The following HSPA4L variants were observed in gnomAD, a reference collection of about 807,000 sequenced individuals.
The protein encoded by HSPA4L is heat shock protein family A (Hsp70) member 4 like, also known as heat shock 70 kDa protein 4L.
HSPA4L carries 48 observed loss-of-function variants against 100.3 expected under a neutral mutation model. That is an observed-to-expected ratio of 0.48 (90% CI 0.38 to 0.61). HSPA4L has a LOEUF of 0.61. HSPA4L is among the 20% of genes least tolerant of loss of function. The pLI, the probability that HSPA4L is intolerant of heterozygous loss-of-function variation, is 0.00. For synonymous variants in HSPA4L, 319 were observed against 328.2 expected, an observed-to-expected ratio of 0.97 and a Z score of 0.30; for missense variants, 886 against 988.6, an observed-to-expected ratio of 0.90 and a Z score of 1.39.
intron 10 of HSPA4L, among the ~76,000 whole-genome samples, chr4:127,806,800 C>T (rs1246644767): frequency 6.6e-6 from 1 of 151,632 alleles, no homozygotes. Flanking sequence ...AAATTTTGTT[C>T]TGTGTTCTGT....
At chr4:127,802,028 C>T (rs749476950) in intron 6 of HSPA4L, 110 bp downstream of exon 6, 1 of 735,094 alleles carries the variant, frequency 1.4e-6, no homozygotes, top group Non-Finnish European at 2.1e-6. Flanking sequence ...TGACCTCAAG[C>T]AAGTTACTTA....
At chr4:127,787,783 C>A (rs569096055) in intron 1 of HSPA4L, among the ~76,000 whole-genome samples, 1 of 151,280 alleles carries the variant, frequency 6.6e-6, no homozygotes, top group South Asian at 2.1e-4. Flanking sequence ...ATCAAATTTG[C>A]TGAGATGAGT....
intron 4 of HSPA4L, among the ~76,000 whole-genome samples, chr4:127,800,519 A>G (rs1404177865): frequency 6.6e-6 from 1 of 152,138 alleles, no homozygotes; most frequent in Non-Finnish European, 1.5e-5. Flanking sequence ...GTATGTATGT[A>G]TGTATATTTT....
intron 12 of HSPA4L, chr4:127,813,618 C>T (rs964539082): frequency 1.1e-5 from 2 of 175,720 alleles, no homozygotes; most frequent in African/African-American, 2.4e-5. Flanking sequence ...CCTTCTAAGA[C>T]CAGGTGTTTA....
At chr4:127,823,844 G>T (rs1003457639) in intron 16 of HSPA4L, among the ~76,000 whole-genome samples, 1 of 151,908 alleles carries the variant, frequency 6.6e-6, no homozygotes, top group Non-Finnish European at 1.5e-5. Flanking sequence ...TTCTTTCTTT[G>T]GGGGGGAGAA....
chr4:127,801,280 G>T, intron 5 of HSPA4L, 43 bp downstream of exon 5: 1 of 1,327,198 alleles, frequency 7.5e-7, no homozygotes, highest in Non-Finnish European at 1.1e-6. Context: ...GCAAAATACT[G>T]TTCTAGTTTT....
intron 14 of HSPA4L, among the ~76,000 whole-genome samples, chr4:127,821,344 T>TA (rs1334490408): frequency 6.6e-6 from 1 of 152,162 alleles, no homozygotes; most frequent in African/African-American, 2.4e-5. Flanking sequence ...ATTTTGTATA[T>TA]AAAATGAGAT....
Position 127,795,893 on chromosome 4 carries a change from A to C in HSPA4L, c.291A>C (p.Gly97=). ...LPYELQKMPN[G]SAGVKVRYLE... ...ATGAACTGCAGAAAATGCCTAATGG[A>C]AGTGCAGGAGTTAAGGTAAGCTTTA... is the stretch of plus-strand genomic sequence containing the variant. Residue 97 remains glycine, a synonymous_variant, in exon 3 of 19, where the codon GGA becomes GGC. Transcript: ENST00000296464. 6.2e-7 allele frequency: 1 copy of C among 1,613,614 alleles called. No individual in the cohort carries two copies. The highest frequency in any genetic ancestry group is 8.5e-7 in the Non-Finnish European group (1 of 1,179,622).
At position 127,801,837 on chromosome 4, in the gene HSPA4L, A is replaced by G. The variant is rs767460041; in HGVS notation, c.582A>G (p.Lys194=). ...YKQDLPPLDE[K]PRNVVFIDMG... ...AGGATCTTCCCCCATTAGATGAGAA[A>G]CCAAGAAATGTAGTATTTATTGATA... Residue 194 remains lysine (K), a synonymous_variant, in exon 6 of 19, where the codon AAA becomes AAG. Transcript: ENST00000296464. 6 of 1,611,442 alleles carry G rather than the reference A, an allele frequency of 3.7e-6. No homozygotes were observed. The highest frequency in any genetic ancestry group is 3.4e-6 in the Non-Finnish European group (4 of 1,178,368).
Position 127,800,410 on chromosome 4 carries a change from G to A in HSPA4L, c.430-728G>A, listed in dbSNP as rs549157037. 1.1e-3 allele frequency among the ~76,000 whole-genome samples: 173 copies of A among 152,260 alleles called. 3 individuals carry two copies. The Middle Eastern group carries it at 0.017, about 15-fold the overall frequency. The stretch of plus-strand genomic sequence containing the variant: ...TTGAGCCCAGGAGTTTAAAGCTGCA[G>A]TGAGCTATGATTGTACCACTGCACT... On this transcript the variant is annotated intron_variant, in intron 4 of 18. Transcript: ENST00000296464.
At chr4:127,804,998 A>T (rs1254162766) in intron 8 of HSPA4L, 75 bp from the exon 9 acceptor site, 5 of 930,956 alleles carry the variant, frequency 5.4e-6, no homozygotes, top group African/African-American at 3.4e-5. Flanking sequence ...TCCACTTTTT[A>T]AAAAAGTACT....
chr4:127,818,186 C>T (rs975631114), intron 12 of HSPA4L, 139 bp from the exon 13 acceptor site: 2 of 504,874 alleles, frequency 4.0e-6, no homozygotes, highest in Non-Finnish European at 7.1e-6. Context: ...TAGCAATTCT[C>T]ATTTGAAAAA....
chr4:127,815,041 GTTC>G (rs771678222), intron 12 of HSPA4L, among the ~76,000 whole-genome samples: 100 of 152,062 alleles, frequency 6.6e-4, no homozygotes, highest in Middle Eastern at 3.4e-3. Context: ...AAGATAATAA[GTTC>G]TTCTTTTTAC....
intron 2 of HSPA4L, among the ~76,000 whole-genome samples, chr4:127,795,409 G>C (rs558648621): frequency 6.6e-6 from 1 of 152,094 alleles, no homozygotes; most frequent in African/African-American, 2.4e-5. Flanking sequence ...TTTTGGATTT[G>C]GGATGTTCAG....
intron 11 of HSPA4L, among the ~76,000 whole-genome samples, chr4:127,810,932 CAT>C (rs1414693255): frequency 6.6e-6 from 1 of 152,072 alleles, no homozygotes; most frequent in Non-Finnish European, 1.5e-5. Flanking sequence ...AGAAATAAAA[CAT>C]CAGTAGATTT....
intron 12 of HSPA4L, among the ~76,000 whole-genome samples, chr4:127,816,744 G>A (rs1199165724): frequency 6.6e-6 from 1 of 152,172 alleles, no homozygotes; most frequent in Non-Finnish European, 1.5e-5. Context: ...ATATTGTATA[G>A]AAATATACAT....
In HSPA4L at chr4:127,812,632, C is replaced by T. The variant is rs532678975; in HGVS notation, c.1578+996C>T. ...TGTCTAATTACAATTGGAAGTCTGC[C>T]CTAGATTTTTTGTTTGTTTGTTTTT... On this transcript the variant is annotated intron_variant, in intron 12 of 18. Coordinates refer to ENST00000296464, the MANE Select transcript of HSPA4L (RefSeq NM_014278.4). 4.4e-5 allele frequency: 29 copies of T among 653,314 alleles called. No individual in the cohort carries two copies. The African/African-American group carries it at 4.8e-4, about 11-fold the overall frequency. The allele number at this position is 653,314 out of a possible 1,614,324, so 40.5% of individuals were successfully genotyped here.
chr4:127,804,958 C>T, intron 8 of HSPA4L, 115 bp from the exon 9 acceptor site: 1 of 598,312 alleles, frequency 1.7e-6, no homozygotes. Flanking sequence ...ATTTTTCTTC[C>T]CTTTTATTTT....
rs1734117284 is a variant in HSPA4L, at chr4:127,832,770, C to CA, written c.2417dup (p.His806GlnfsTer12). On this transcript the variant is annotated frameshift_variant, in exon 19 of 19. Transcript: ENST00000296464. LOFTEE classifies it high-confidence loss of function. ...AGACAAACCAAAAGCTAATAGTGAA[C>CA]ACAATGGCCCAATGGATGGACAGAG... 3 of 1,613,584 alleles carry CA rather than the reference C, an allele frequency of 1.9e-6. No individual in the cohort carries two copies. Among genetic ancestry groups the CA allele is most frequent in the Non-Finnish European group, 2.5e-6 (3 of 1,179,676 alleles).
Sources: gnomAD v4.1 joint callset for allele counts (sites outside exome capture counted in the v4.1 genomes callset) on GRCh38, gnomAD v4.1.1 for gene constraint, MANE v1.5 for transcripts, NCBI Gene and HGNC (gene_info 2026-07-23, HGNC 2026-07-21) for gene names.